TBC1D23: variants seen among roughly 807,000 people sequenced by gnomAD.
The protein encoded by TBC1D23 is TBC1 domain family member 23.
Under a neutral mutation model 91.4 loss-of-function variants are expected in TBC1D23, and 55 were observed. The ratio of observed to expected loss-of-function variants is 0.60; its 90% confidence interval spans 0.48 to 0.75. The LOEUF (loss-of-function observed/expected upper bound fraction) is 0.75, where lower values mean the gene tolerates loss of function less well. Ranked by LOEUF, TBC1D23 falls within the 30% of genes least tolerant of loss-of-function variation. The probability of loss-of-function intolerance (pLI) is 0.00; values close to 1 mark genes in which losing one functional copy is unlikely to be tolerated. For missense variants in TBC1D23, 725 were observed against 836.1 expected (o/e 0.87, Z 1.64); for synonymous variants, 289 against 281.0 (o/e 1.03, Z -0.28).
chr3:100,294,500 A>C (rs2148861073), intron 5 of TBC1D23, among the ~76,000 whole-genome samples: 1 of 152,200 alleles, frequency 6.6e-6, no homozygotes, highest in Non-Finnish European at 1.5e-5. Context: ...ACCTCAGGTG[A>C]TCCACCCACC....
chr3:100,273,390 C>A (rs991689079), intron 1 of TBC1D23, among the ~76,000 whole-genome samples: 2 of 152,168 alleles, frequency 1.3e-5, no homozygotes, highest in African/African-American at 4.8e-5. Context: ...TCTCCTATGT[C>A]TACTTCTTTC....
chr3:100,293,258 C>T lies in TBC1D23; in HGVS notation c.601-1829C>T, dbSNP rs149538906. On this transcript the variant is annotated intron_variant, in intron 5 of 18. Transcript: ENST00000394144. ...ACGCCATTCTTCTGCCTCAGCCTCC[C>T]GAGTAGTTGGCACTGCAGGCGCCCG... Among the ~76,000 whole-genome samples the T allele has an allele frequency of 4.7e-3, 712 of 152,216 alleles. 2 individuals carry two copies. Among genetic ancestry groups the T allele is most frequent in the Non-Finnish European group, 6.4e-3 (432 of 68,022 alleles).
At chr3:100,318,039 T>C (rs1308584487) in intron 16 of TBC1D23, among the ~76,000 whole-genome samples, 1 of 152,072 alleles carries the variant, frequency 6.6e-6, no homozygotes, top group Non-Finnish European at 1.5e-5. Flanking sequence ...AGCAAAGACA[T>C]GTATGGAACT....
intron 18 of TBC1D23, 92 bp downstream of exon 18, chr3:100,321,063 G>A (rs1220216368): frequency 9.4e-6 from 9 of 960,888 alleles, no homozygotes; most frequent in Admixed American, 2.9e-5. Flanking sequence ...TTATTTTGGG[G>A]AATGGATGGT....
intron 1 of TBC1D23, among the ~76,000 whole-genome samples, chr3:100,273,350 G>T (rs557818593): frequency 3.9e-5 from 6 of 152,154 alleles, no homozygotes; most frequent in African/African-American, 1.2e-4. Flanking sequence ...CAAGGCAGAA[G>T]AATTTTTCTT....
At chr3:100,303,709 G>A (rs1025666067) in intron 11 of TBC1D23, among the ~76,000 whole-genome samples, 2 of 152,156 alleles carry the variant, frequency 1.3e-5, no homozygotes, top group African/African-American at 2.4e-5. Context: ...GATTGAGGCT[G>A]CAGTGAGCCA....
intron 1 of TBC1D23, among the ~76,000 whole-genome samples, chr3:100,277,334 T>C (rs910267263): frequency 2.0e-5 from 3 of 152,226 alleles, no homozygotes; most frequent in Non-Finnish European, 4.4e-5. Flanking sequence ...GTGTTACTTT[T>C]AATTATTTAG....
intron 1 of TBC1D23, among the ~76,000 whole-genome samples, chr3:100,273,052 G>T (rs1288067257): frequency 6.6e-6 from 1 of 152,150 alleles, no homozygotes; most frequent in Admixed American, 6.5e-5. Context: ...ACGGGTGTCG[G>T]GCTAGGGGAC....
chr3:100,304,808 C>T, intron 11 of TBC1D23, 38 bp from the exon 12 acceptor site: 1 of 1,023,070 alleles, frequency 9.8e-7, no homozygotes, highest in Non-Finnish European at 1.5e-6. Flanking sequence ...AATTAAGTCG[C>T]AGTTTTGGAA....
chr3:100,307,174 G>T (rs1475420928), intron 13 of TBC1D23, among the ~76,000 whole-genome samples: 1 of 152,164 alleles, frequency 6.6e-6, no homozygotes, highest in Non-Finnish European at 1.5e-5. Flanking sequence ...AAATATTTGG[G>T]TAATAGGTCT....
Position 100,261,037 on chromosome 3 carries a change from G to T in TBC1D23, c.19G>T (p.Val7Leu). 1 of 1,614,082 alleles carries T rather than the reference G, an allele frequency of 6.2e-7. No homozygotes were observed. The highest frequency in any genetic ancestry group is 1.1e-5 in the South Asian group (1 of 91,086). The change falls in exon 1 of 19, where the codon GTG (valine) becomes TTG (leucine). Residue 7 changes from valine (V) to leucine (L), a missense_variant. By Grantham distance (32) the Val-to-Leu change is conservative. Coordinates refer to ENST00000394144, the MANE Select transcript of TBC1D23 (RefSeq NM_001199198.3). ...AACAGCAATGGCGGAAGGAGAAGAT[G>T]TGCCGCCGCTGCCAACGTCGAGCGG... is the stretch of plus-strand genomic sequence containing the variant. Reference protein sequence around the residue: MAEGEDVPPLPTSSGDG... With the variant: MAEGEDLPPLPTSSGDG...
intron 18 of TBC1D23, among the ~76,000 whole-genome samples, chr3:100,322,120 C>T (rs772588859): frequency 5.3e-5 from 8 of 151,676 alleles, no homozygotes; most frequent in South Asian, 2.1e-4. Flanking sequence ...TTTTTTGAGA[C>T]GGAGTCTCTG....
chr3:100,293,608 C>T (rs2067812048), intron 5 of TBC1D23, among the ~76,000 whole-genome samples: 1 of 152,124 alleles, frequency 6.6e-6, no homozygotes, highest in Non-Finnish European at 1.5e-5. Context: ...TTTGTATGTA[C>T]CTCTTCTAAT....
intron 2 of TBC1D23, among the ~76,000 whole-genome samples, chr3:100,280,910 A>G (rs766132634): frequency 2.2e-4 from 33 of 152,350 alleles, no homozygotes; most frequent in Non-Finnish European, 4.6e-4. Context: ...CTGTAATCCC[A>G]GCACTTTGGG....
At chr3:100,293,000 GTC>G (rs2067805178) in intron 5 of TBC1D23, among the ~76,000 whole-genome samples, 1 of 152,178 alleles carries the variant, frequency 6.6e-6, no homozygotes, top group South Asian at 2.1e-4. Context: ...AATAATAGAG[GTC>G]TCTCTGCCTA....
chr3:100,298,939 T>G (rs1705362707), intron 9 of TBC1D23, among the ~76,000 whole-genome samples: 1 of 152,214 alleles, frequency 6.6e-6, no homozygotes, highest in Non-Finnish European at 1.5e-5. Context: ...GTTTTATAAT[T>G]AGTTTTATAA....
chr3:100,301,958 TCA>T, intron 10 of TBC1D23, 107 bp from the exon 11 acceptor site: 1 of 734,744 alleles, frequency 1.4e-6, no homozygotes, highest in Non-Finnish European at 2.2e-6. Flanking sequence ...CCCTTCATTT[TCA>T]TTGTGGCTCT....
intron 12 of TBC1D23, among the ~76,000 whole-genome samples, 199 bp from the exon 13 acceptor site, chr3:100,306,238 T>G (rs1246039276): frequency 6.6e-6 from 1 of 152,210 alleles, no homozygotes; most frequent in Admixed American, 6.5e-5. Flanking sequence ...ACAGAGGGTT[T>G]TAGAAGGAAG....
Position 100,320,901 on chromosome 3 carries a change from C to A in TBC1D23, c.1948C>A (p.His650Asn). ...SVVKITSKKK[H>N]PELITFKYGN... is the part of the protein sequence containing the mutation. ...AGTTAAAATTACATCCAAAAAAAAA[C>A]ATCCTGAACTCATTACCTTCAAGTA... The change falls in exon 18 of 19, where the codon CAT (histidine) becomes AAT (asparagine). Residue 650 changes from histidine to asparagine, a missense_variant. Coordinates refer to ENST00000394144, the MANE Select transcript of TBC1D23 (RefSeq NM_001199198.3). 1.2e-6 allele frequency: 2 copies of A among 1,611,116 alleles called. No homozygotes were observed. The highest frequency in any genetic ancestry group is 1.7e-6 in the Non-Finnish European group (2 of 1,178,136).
Sources: allele counts gnomAD v4.1 joint callset (sites outside exome capture counted in the v4.1 genomes callset), GRCh38; gene constraint gnomAD v4.1.1; transcripts MANE v1.5; gene names NCBI Gene and HGNC (gene_info 2026-07-23, HGNC 2026-07-21).